DRC1: variants seen among roughly 807,000 people sequenced by gnomAD.
The protein encoded by DRC1 is dynein regulatory complex protein 1.
In DRC1, 74 loss-of-function variants were observed where a neutral mutation model predicts 98.7. The observed-to-expected ratio is 0.75, with a 90% CI of 0.62 to 0.91. DRC1 has a LOEUF of 0.91. Among genes scored for constraint, DRC1 ranks in the 40% least tolerant of loss-of-function variants. The probability of loss-of-function intolerance (pLI) is 0.00; values close to 1 mark genes in which losing one functional copy is unlikely to be tolerated. For synonymous variants in DRC1, 336 were observed against 334.1 expected, an observed-to-expected ratio of 1.01 and a Z score of -0.06; for missense variants, 875 against 886.0, an observed-to-expected ratio of 0.99 and a Z score of 0.16.
chr2:26,444,394 C>A, intron 9 of DRC1, 38 bp downstream of exon 9: 3 of 1,598,050 alleles, frequency 1.9e-6, no homozygotes, highest in Non-Finnish European at 2.6e-6. Context: ...CTTGTCCTAG[C>A]ATAGAGGTGA....
chr2:26,413,807 T>A (rs1344585271), intron 1 of DRC1, among the ~76,000 whole-genome samples: 4 of 152,160 alleles, frequency 2.6e-5, no homozygotes, highest in African/African-American at 4.8e-5. Context: ...AATCTTTTAA[T>A]CTTTTTATTT....
chr2:26,437,115 T>C (rs1054963090), intron 7 of DRC1, among the ~76,000 whole-genome samples: 1 of 152,206 alleles, frequency 6.6e-6, no homozygotes, highest in Non-Finnish European at 1.5e-5. Context: ...TTGGTAACAT[T>C]TGAAGTGGCA....
At chr2:26,405,468 C>T (rs1417744669) in intron 1 of DRC1, among the ~76,000 whole-genome samples, 1 of 151,868 alleles carries the variant, frequency 6.6e-6, no homozygotes, top group Non-Finnish European at 1.5e-5. Flanking sequence ...GAAAAGAATC[C>T]TAACGGAAAC....
At chr2:26,430,752 C>A in intron 5 of DRC1, 34 bp from the exon 6 acceptor site, 3 of 1,609,630 alleles carry the variant, frequency 1.9e-6, no homozygotes, top group Non-Finnish European at 2.6e-6. Context: ...CCAATCAAAA[C>A]AGATGCAAGA....
chr2:26,402,988 G>A (rs554973736), intron 1 of DRC1, among the ~76,000 whole-genome samples: 1 of 152,302 alleles, frequency 6.6e-6, no homozygotes, highest in South Asian at 2.1e-4. Context: ...TATTGCAAAA[G>A]CAGCCACAGG....
intron 8 of DRC1, among the ~76,000 whole-genome samples, chr2:26,443,599 A>G (rs1243494456): frequency 1.3e-5 from 2 of 152,208 alleles, no homozygotes; most frequent in Non-Finnish European, 2.9e-5. Flanking sequence ...GACTAGACTG[A>G]TAGTACCTTG....
In DRC1 at chr2:26,429,720, G is replaced by T. The variant is rs971344535; in HGVS notation, c.633G>T (p.Val211=). 3.1e-6 allele frequency: 5 copies of T among 1,614,002 alleles called. No individual in the cohort carries two copies. The highest frequency in any genetic ancestry group is 4.2e-6 in the Non-Finnish European group (5 of 1,180,018). The change falls in exon 5 of 17, where the codon GTG becomes GTT. Residue 211 remains valine (V), a synonymous_variant. Coordinates refer to ENST00000288710, the MANE Select transcript of DRC1 (RefSeq NM_145038.5). ...TTCTGGAGCGGATGGAAGAACAGGT[G>T]AAGAATGTGATGAAAACCTTTCGTG... ...CLLLERMEEQ[V]KNVMKTFREE...
chr2:26,440,319 TTGTGTGTGTGTG>T lies in DRC1; in HGVS notation c.889-43_889-32del, dbSNP rs138497746. Reference sequence around the variant, plus strand: ...GGATGCAGGTGTAGAGTTAGTGTGTTTGTGTGTGTGTGTGTGTGTGTGTGTGTATATATATAT... The same window carrying T: ...GGATGCAGGTGTAGAGTTAGTGTGTTTGTGTGTGTGTGTGTATATATATAT... On this transcript the variant is annotated intron_variant, in intron 7 of 16. Coordinates refer to ENST00000288710, the MANE Select transcript of DRC1 (RefSeq NM_145038.5). The T allele has an allele frequency of 1.6e-5, 20 of 1,267,884 alleles. No individual in the cohort carries two copies. In the South Asian group the frequency reaches 2.7e-4, roughly 17 times the overall value. 78.5% of individuals were successfully genotyped at this position (1,267,884 alleles called of 1,614,324 possible).
intron 8 of DRC1, among the ~76,000 whole-genome samples, chr2:26,442,716 T>C (rs374582517): frequency 3.9e-5 from 6 of 152,200 alleles, no homozygotes; most frequent in African/African-American, 1.4e-4. Flanking sequence ...GCCCTGTCAT[T>C]TCCAGGGCAC....
In DRC1 at chr2:26,425,888, T is replaced by C. The variant is rs551183913; in HGVS notation, c.540+1434T>C. 2.0e-5 allele frequency among the ~76,000 whole-genome samples: 3 copies of C among 152,294 alleles called. No individual in the cohort carries two copies. The South Asian group carries it at 6.2e-4, about 32-fold the overall frequency. Reference sequence around the variant, plus strand: ...TTCTTAGTCTTGATTTTTTTTTTGATGTGCAAACATTTTTGAGTTTGGTGC... The same window carrying C: ...TTCTTAGTCTTGATTTTTTTTTTGACGTGCAAACATTTTTGAGTTTGGTGC... On this transcript the variant is annotated intron_variant, in intron 4 of 16. Transcript: ENST00000288710.
At chr2:26,431,079 G>A (rs1198857370) in intron 6 of DRC1, among the ~76,000 whole-genome samples, 2 of 148,552 alleles carry the variant, frequency 1.3e-5, no homozygotes, top group Non-Finnish European at 3.0e-5. Flanking sequence ...TCCTGCCTCA[G>A]CCTCCCGAAT....
rs1415481164 is a variant in DRC1, at chr2:26,440,428, A to G, written c.939A>G (p.Gln313=). Reference sequence around the variant, plus strand: ...GGAAAGCAATTTATCAGCTAAACCAAGAGAAATTAGAGTACAACTTGCAGG... The same window carrying G: ...GGAAAGCAATTTATCAGCTAAACCAGGAGAAATTAGAGTACAACTTGCAGG... ...QQRKAIYQLN[Q]EKLEYNLQVL... The change falls in exon 8 of 17, where the codon CAA becomes CAG. Residue 313 remains glutamine, a synonymous_variant. Coordinates refer to ENST00000288710, the MANE Select transcript of DRC1 (RefSeq NM_145038.5). The G allele has an allele frequency of 1.2e-6, 2 of 1,613,366 alleles. No homozygotes were observed. The highest frequency in any genetic ancestry group is 1.7e-6 in the Non-Finnish European group (2 of 1,179,796).
intron 8 of DRC1, among the ~76,000 whole-genome samples, 200 bp downstream of exon 8, chr2:26,440,717 A>G (rs1211390532): frequency 6.6e-6 from 1 of 152,204 alleles, no homozygotes; most frequent in Non-Finnish European, 1.5e-5. Flanking sequence ...GTCCCCATTC[A>G]TCTTGTTCCT....
At chr2:26,436,014 G>A (rs375846364) in intron 7 of DRC1, among the ~76,000 whole-genome samples, 5 of 151,968 alleles carry the variant, frequency 3.3e-5, no homozygotes, top group Non-Finnish European at 5.9e-5. Flanking sequence ...TCCGTTTTAC[G>A]TTCTTTGAGG....
intron 6 of DRC1, 52 bp downstream of exon 6, chr2:26,430,924 TTGTGACTGAATTTGCTAGCTA>T (rs758103102): frequency 1.3e-6 from 2 of 1,502,710 alleles, no homozygotes; most frequent in Non-Finnish European, 1.8e-6. Context: ...GTGATTTTTA[TTGTGACTGAATTTGCTAGCTA>T]GCCTTTTTCT....
In DRC1 at chr2:26,402,158, C is replaced by G; in HGVS notation, c.155+14C>G. The G allele has an allele frequency of 1.3e-6, 2 of 1,569,978 alleles. No individual in the cohort carries two copies. The highest frequency in any genetic ancestry group is 1.7e-6 in the Non-Finnish European group (2 of 1,161,806). ...AGCCCGGAGGCGGTGAGCGCGGGGGCGGGCGGGGCGGGATCCGCGCCGCAG... is the reference window on the plus strand; with the variant it reads ...AGCCCGGAGGCGGTGAGCGCGGGGGGGGGCGGGGCGGGATCCGCGCCGCAG... On this transcript the variant is annotated intron_variant, in intron 1 of 16. Transcript: ENST00000288710.
intron 7 of DRC1, 107 bp downstream of exon 7, chr2:26,432,113 C>G (rs1663452641): frequency 7.0e-7 from 1 of 1,437,078 alleles, no homozygotes; most frequent in African/African-American, 1.4e-5. Context: ...GAGGTAGTCC[C>G]TTCAGCACGT....
At chr2:26,427,805 C>T (rs1663324890) in intron 4 of DRC1, among the ~76,000 whole-genome samples, 1 of 152,204 alleles carries the variant, frequency 6.6e-6, no homozygotes, top group Non-Finnish European at 1.5e-5. Context: ...TTAGCTCCCA[C>T]AAATGAGTGA....
intron 2 of DRC1, among the ~76,000 whole-genome samples, chr2:26,420,059 A>T (rs1389262350): frequency 6.6e-6 from 1 of 152,170 alleles, no homozygotes; most frequent in Non-Finnish European, 1.5e-5. Context: ...GGTCTGCTTG[A>T]TGATGGGACC....
Sources: allele counts gnomAD v4.1 joint callset (sites outside exome capture counted in the v4.1 genomes callset), GRCh38; gene constraint gnomAD v4.1.1; transcripts MANE v1.5; gene names NCBI Gene and HGNC (gene_info 2026-07-23, HGNC 2026-07-21).